The following XPO1 variants were observed in gnomAD, a reference collection of about 807,000 sequenced individuals.
XPO1 encodes exportin 1, also known as exportin-1.
A neutral mutation model predicts 133.3 loss-of-function variants in XPO1; 5 were observed. The observed-to-expected ratio is 0.04, with a 90% CI of 0.02 to 0.08. The LOEUF is 0.08. XPO1 is among the 10% of genes least tolerant of loss of function. The probability of loss-of-function intolerance (pLI) is 1.00; values close to 1 mark genes in which losing one functional copy is unlikely to be tolerated. For synonymous variants in XPO1, 419 were observed against 408.2 expected, an observed-to-expected ratio of 1.03 and a Z score of -0.32; for missense variants, 506 against 1,267.5, an observed-to-expected ratio of 0.40 and a Z score of 9.12.
intron 2 of XPO1, among the ~76,000 whole-genome samples, chr2:61,529,331 T>A (rs981403242): frequency 2.6e-5 from 4 of 152,244 alleles, no homozygotes; most frequent in Non-Finnish European, 5.9e-5. Flanking sequence ...TTATAATCTT[T>A]AGCTTGGCTT....
intron 21 of XPO1, chr2:61,483,498 C>A (rs767804705): frequency 5.3e-5 from 10 of 190,232 alleles, no homozygotes; most frequent in Non-Finnish European, 8.5e-5. Context: ...GAAATCACCA[C>A]TGAAGAACTT....
At chr2:61,513,978 A>G (rs1402276354) in intron 4 of XPO1, among the ~76,000 whole-genome samples, 2 of 151,678 alleles carry the variant, frequency 1.3e-5, no homozygotes, top group East Asian at 2.0e-4. Context: ...AGGTCAGGAG[A>G]TAGAGACCAG....
At position 61,489,546 on chromosome 2, in the gene XPO1, G is replaced by A. The variant is rs559720758; in HGVS notation, c.2023-775C>T. On this transcript the variant is annotated intron_variant, in intron 17 of 24. Transcript: ENST00000401558. ...TTGTCTACATCTACTTAAGAATGAAGTAATATAGTTCTATTTTTTTTTTTT... is the reference window on the plus strand; with the variant it reads ...TTGTCTACATCTACTTAAGAATGAAATAATATAGTTCTATTTTTTTTTTTT... 7.1e-4 allele frequency among the ~76,000 whole-genome samples: 107 copies of A among 151,678 alleles called. 2 individuals are homozygous for A. The highest frequency in any genetic ancestry group is 3.5e-3 in the Admixed American group (53 of 15,250).
At chr2:61,506,643 A>T (rs1697832534) in intron 4 of XPO1, among the ~76,000 whole-genome samples, 1 of 150,454 alleles carries the variant, frequency 6.6e-6, no homozygotes, top group African/African-American at 2.4e-5. Flanking sequence ...CTTAAAAATA[A>T]ATTAGTACAC....
chr2:61,487,766 C>A (rs1696769697), intron 19 of XPO1, among the ~76,000 whole-genome samples: 1 of 152,126 alleles, frequency 6.6e-6, no homozygotes, highest in Non-Finnish European at 1.5e-5. Flanking sequence ...GACTTTCAGG[C>A]CTTTAATCTG....
chr2:61,538,469 G>T (rs974427727), upstream of XPO1: 2 of 152,852 alleles, frequency 1.3e-5, no homozygotes, highest in Non-Finnish European at 2.9e-5. Context: ...GGCTCCACAC[G>T]AGCCCGCCGC....
chr2:61,519,267 A>T (rs1330243447), intron 4 of XPO1, among the ~76,000 whole-genome samples: 1 of 152,122 alleles, frequency 6.6e-6, no homozygotes, highest in East Asian at 1.9e-4. Flanking sequence ...GCTCTTTAAA[A>T]TTTTATTCTC....
In XPO1 at chr2:61,492,019, T is replaced by C. The variant is rs1359109703; in HGVS notation, c.1887+16A>G. The stretch of plus-strand genomic sequence containing the variant: ...GTTACTTTCTAAAAATAACATATGC[T>C]CAGTGCTTAACATACCTGTTGAGGC... On this transcript the variant is annotated intron_variant, in intron 16 of 24. Coordinates refer to ENST00000401558, the MANE Select transcript of XPO1 (RefSeq NM_003400.4). This position sits in a 1 kb window ranked among gnomAD's most constrained non-coding sequence, Gnocchi z 5.6. The C allele has an allele frequency of 2.1e-5, 34 of 1,613,262 alleles. No homozygotes were observed. The highest frequency in any genetic ancestry group is 2.9e-5 in the Non-Finnish European group (34 of 1,179,658).
chr2:61,499,557 G>A (rs1182050094), intron 7 of XPO1, among the ~76,000 whole-genome samples, 156 bp downstream of exon 7: 7 of 152,118 alleles, frequency 4.6e-5, no homozygotes, highest in South Asian at 2.1e-4. Context: ...ATTAGGCCCC[G>A]TCTAGGACTA....
chr2:61,535,014 C>T lies in XPO1; in HGVS notation c.-6-1111G>A, dbSNP rs577998552. 2.0e-5 allele frequency among the ~76,000 whole-genome samples: 3 copies of T among 152,238 alleles called. No individual in the cohort carries two copies. In the South Asian group the frequency reaches 6.2e-4, roughly 32 times the overall value. The stretch of plus-strand genomic sequence containing the variant: ...TAAAAGCTGTAAAAGCTTGCCCATT[C>T]CCAAATAAAAAAGAATTCTAACAGA... On this transcript the variant is annotated intron_variant, in intron 1 of 24. Transcript: ENST00000401558.
At chr2:61,486,875 G>A (rs551680092) in intron 19 of XPO1, among the ~76,000 whole-genome samples, 20 of 152,020 alleles carry the variant, frequency 1.3e-4, no homozygotes, top group African/African-American at 4.1e-4. Context: ...GGGGTGATTC[G>A]CCTGCCTTAC....
At chr2:61,491,496 A>ACACACACC (rs1491477036) in intron 16 of XPO1, among the ~76,000 whole-genome samples, 96 of 147,346 alleles carry the variant, frequency 6.5e-4, no homozygotes, top group African/African-American at 2.2e-3. Context: ...ACACACACAC[A>ACACACACC]CCCCAAAACA....
intron 2 of XPO1, among the ~76,000 whole-genome samples, chr2:61,531,451 T>C (rs1022163319): frequency 2.0e-5 from 3 of 152,194 alleles, no homozygotes; most frequent in Admixed American, 1.3e-4. Context: ...CTATGAAACA[T>C]TATTAAAAGC....
chr2:61,485,678 A>G, intron 20 of XPO1, 90 bp downstream of exon 20: 1 of 1,086,306 alleles, frequency 9.2e-7, no homozygotes, highest in South Asian at 1.7e-5. Context: ...TGGCATTAAA[A>G]TTATGTTATA....
rs1697205016 is a variant in XPO1, at chr2:61,495,569, T to C, written c.933A>G (p.Gly311=). The part of the protein sequence containing the change: ...NTNIRLAYSN[G]KDDEQNFIQN... ...GAATGAAGTTCTGTTCATCATCTTT[T>C]CCATTTGAGTACGCAAGTCGAATAT... The change falls in exon 11 of 25, where the codon GGA becomes GGG. Residue 311 remains glycine, a synonymous_variant. Coordinates refer to ENST00000401558, the MANE Select transcript of XPO1 (RefSeq NM_003400.4). 1 of 1,592,250 alleles carries C rather than the reference T, an allele frequency of 6.3e-7. No homozygotes were observed. Among genetic ancestry groups the C allele is most frequent in the Non-Finnish European group, 8.6e-7 (1 of 1,165,842 alleles).
At chr2:61,533,218 T>G (rs1699235233) in intron 2 of XPO1, among the ~76,000 whole-genome samples, 1 of 152,214 alleles carries the variant, frequency 6.6e-6, no homozygotes, top group African/African-American at 2.4e-5. Flanking sequence ...CAAGTTTTTT[T>G]TCTTGTGACA....
intron 2 of XPO1, among the ~76,000 whole-genome samples, chr2:61,532,330 T>C (rs1208107226): frequency 6.6e-6 from 1 of 151,870 alleles, no homozygotes; most frequent in Non-Finnish European, 1.5e-5. Context: ...GGTTTCACCG[T>C]GTTAGCCAGG....
At chr2:61,494,220 T>C in intron 11 of XPO1, 129 bp from the exon 12 acceptor site, 2 of 851,654 alleles carry the variant, frequency 2.3e-6, no homozygotes, top group Non-Finnish European at 3.5e-6. Context: ...ATTTCAATAC[T>C]TATCAAATAG....
chr2:61,495,816 T>C (rs1697215544), intron 10 of XPO1, among the ~76,000 whole-genome samples: 1 of 152,114 alleles, frequency 6.6e-6, no homozygotes, highest in Non-Finnish European at 1.5e-5. Flanking sequence ...ACCACAGGTA[T>C]GTGCCATCGC....
Sources: allele counts gnomAD v4.1 joint callset (sites outside exome capture counted in the v4.1 genomes callset), GRCh38; gene constraint gnomAD v4.1.1; non-coding constraint Gnocchi (gnomAD v3.1); transcripts MANE v1.5; gene names NCBI Gene and HGNC (gene_info 2026-07-23, HGNC 2026-07-21).